The following CIDEA variants were observed in gnomAD, a reference collection of about 807,000 sequenced individuals.
CIDEA encodes the protein cell death inducing DFFA like effector a.
Under a neutral mutation model 18.2 loss-of-function variants are expected in CIDEA, and 10 were observed. The observed-to-expected ratio is 0.55, with a 90% CI of 0.34 to 0.93. The LOEUF (loss-of-function observed/expected upper bound fraction) is 0.93, where lower values mean the gene tolerates loss of function less well. Among genes scored for constraint, CIDEA ranks in the 40% least tolerant of loss-of-function variants. The probability of loss-of-function intolerance (pLI) is 0.02; values close to 1 mark genes in which losing one functional copy is unlikely to be tolerated. For synonymous variants in CIDEA, 128 were observed against 124.8 expected (o/e 1.03, Z -0.17); for missense variants, 309 against 293.1 (o/e 1.05, Z -0.40).
At chr18:12,270,520 C>G (rs992501181) in intron 3 of CIDEA, among the ~76,000 whole-genome samples, 102 of 152,054 alleles carry the variant, frequency 6.7e-4, no homozygotes, top group Non-Finnish European at 1.1e-3. Flanking sequence ...GAAACCCCGT[C>G]TTTACTAAAA....
chr18:12,261,969 A>C (rs1382439851), intron 1 of CIDEA, among the ~76,000 whole-genome samples: 2 of 150,918 alleles, frequency 1.3e-5, no homozygotes, highest in East Asian at 4.1e-4. Flanking sequence ...GGAGTTCAAG[A>C]CCAGCCTGGG....
chr18:12,258,884 TGATGAGGTG>T (rs1568100692), intron 1 of CIDEA, among the ~76,000 whole-genome samples: 1 of 152,226 alleles, frequency 6.6e-6, no homozygotes, highest in Non-Finnish European at 1.5e-5. Flanking sequence ...TCAGCTGCCA[TGATGAGGTG>T]GAGGCGACGC....
chr18:12,262,999 T>G, intron 2 of CIDEA, 30 bp downstream of exon 2: 1 of 1,610,406 alleles, frequency 6.2e-7, no homozygotes, highest in Non-Finnish European at 8.5e-7. Flanking sequence ...TCTCCCCCAG[T>G]CCACAGGGGT....
At chr18:12,265,040 C>T (rs1398850622) in intron 3 of CIDEA, among the ~76,000 whole-genome samples, 1 of 152,106 alleles carries the variant, frequency 6.6e-6, no homozygotes, top group East Asian at 1.9e-4. Context: ...TGTAAATGCA[C>T]GGAATTGACT....
chr18:12,256,021 T>C (rs1291689523), intron 1 of CIDEA, among the ~76,000 whole-genome samples: 2 of 152,192 alleles, frequency 1.3e-5, no homozygotes, highest in Non-Finnish European at 2.9e-5. Context: ...ACTACTGTCA[T>C]TCTGTGAAAT....
chr18:12,254,830 G>T lies in CIDEA; in HGVS notation c.38+409G>T, dbSNP rs1319287548. On this transcript the variant is annotated intron_variant, in intron 1 of 4. Transcript: ENST00000320477. The stretch of plus-strand genomic sequence containing the variant: ...AAAGCTTCCGCGATGCGAGGGGACC[G>T]GGCTTCTGGGGGTCCTGGAAATCAC... 29 of 1,336,744 alleles carry T rather than the reference G, an allele frequency of 2.2e-5. No individual in the cohort carries two copies. In the South Asian group the frequency reaches 3.5e-4, roughly 16 times the overall value. 82.8% of individuals were successfully genotyped at this position (1,336,744 alleles called of 1,614,324 possible).
intron 3 of CIDEA, among the ~76,000 whole-genome samples, chr18:12,272,059 T>C (rs976397890): frequency 5.4e-5 from 8 of 148,618 alleles, no homozygotes; most frequent in Non-Finnish European, 7.4e-5. Flanking sequence ...ATCTGAGCTT[T>C]CCAAACACGT....
intron 4 of CIDEA, among the ~76,000 whole-genome samples, chr18:12,275,747 G>C (rs1303110989): frequency 6.6e-6 from 1 of 152,156 alleles, no homozygotes; most frequent in African/African-American, 2.4e-5. Context: ...TGTGGCCTCA[G>C]TTTCCCATTC....
Position 12,277,223 on chromosome 18 carries a change from C to A in CIDEA, c.613C>A (p.Arg205=), listed in dbSNP as rs146350505. ...CCGGGTGCTGGATGACAAGGAAGAG[C>A]GGCCATCCCTCCGGTCACAAGCCAA... ...MLRVLDDKEE[R]PSLRSQAKGR... Residue 205 remains arginine, a synonymous_variant, in exon 5 of 5, where the codon CGG becomes AGG. Coordinates refer to ENST00000320477, the MANE Select transcript of CIDEA (RefSeq NM_001279.4). The A allele has an allele frequency of 6.2e-7, 1 of 1,614,066 alleles. No homozygotes were observed. Among genetic ancestry groups the A allele is most frequent in the East Asian group, 2.2e-5 (1 of 44,898 alleles).
chr18:12,260,071 C>T (rs578237502), intron 1 of CIDEA, among the ~76,000 whole-genome samples: 100 of 152,262 alleles, frequency 6.6e-4, no homozygotes, highest in Non-Finnish European at 1.3e-3. Context: ...CAAACACTCA[C>T]GATTATGGAA....
intron 3 of CIDEA, among the ~76,000 whole-genome samples, chr18:12,273,518 C>A (rs947461712): frequency 1.3e-5 from 2 of 152,160 alleles, no homozygotes; most frequent in East Asian, 3.9e-4. Context: ...CTCCTCCCAC[C>A]CAGGGGTTCT....
At position 12,270,688 on chromosome 18, in the gene CIDEA, C is replaced by CAAAAAAAAAAAAAAAAAAA. The variant is rs68102741; in HGVS notation, c.331-3395_331-3377dup. Among the ~76,000 whole-genome samples, 31 of 72,804 alleles carry CAAAAAAAAAAAAAAAAAAA rather than the reference C, an allele frequency of 4.3e-4. 1 individual carries two copies. Among genetic ancestry groups the CAAAAAAAAAAAAAAAAAAA allele is most frequent in the African/African-American group, 2.4e-3 (29 of 11,928 alleles). 47.8% of individuals were successfully genotyped at this position (72,804 alleles called of 152,430 possible). On this transcript the variant is annotated intron_variant, in intron 3 of 4. Coordinates refer to ENST00000320477, the MANE Select transcript of CIDEA (RefSeq NM_001279.4). ...GGCGACAGAGCAAGACTCCGTCTCA[C>CAAAAAAAAAAAAAAAAAAA]AAAAAAAAAAAAAAAAAAAAAAAAA...
chr18:12,265,192 G>C (rs1912315852), intron 3 of CIDEA, among the ~76,000 whole-genome samples: 1 of 152,218 alleles, frequency 6.6e-6, no homozygotes, highest in Non-Finnish European at 1.5e-5. Context: ...CGGTCTCTGG[G>C]AAAACTATAG....
chr18:12,271,386 C>G (rs1189728286), intron 3 of CIDEA, among the ~76,000 whole-genome samples: 1 of 152,148 alleles, frequency 6.6e-6, no homozygotes, highest in Admixed American at 6.5e-5. Flanking sequence ...GTGGGGTACC[C>G]ACCAAGGCAG....
At chr18:12,276,354 A>G (rs578180157) in intron 4 of CIDEA, among the ~76,000 whole-genome samples, 6 of 152,046 alleles carry the variant, frequency 3.9e-5, no homozygotes, top group African/African-American at 1.4e-4. Context: ...GTGCAGTAGC[A>G]CAATCATAGT....
intron 3 of CIDEA, among the ~76,000 whole-genome samples, chr18:12,271,043 C>T (rs1052293765): frequency 3.3e-5 from 5 of 151,648 alleles, no homozygotes; most frequent in African/African-American, 7.3e-5. Flanking sequence ...GGATTACAGG[C>T]GCCCACCACC....
intron 3 of CIDEA, among the ~76,000 whole-genome samples, chr18:12,272,362 A>G (rs1157367811): frequency 1.3e-5 from 2 of 151,972 alleles, no homozygotes; most frequent in East Asian, 1.9e-4. Flanking sequence ...ACAGGCGTGC[A>G]CCACCATGCC....
chr18:12,264,744 G>A (rs993531809), intron 3 of CIDEA, among the ~76,000 whole-genome samples: 5 of 152,110 alleles, frequency 3.3e-5, no homozygotes, highest in Admixed American at 1.3e-4. Context: ...TAGTAGAGAC[G>A]GGGTTTCACC....
chr18:12,264,513 T>C (rs6505738), intron 3 of CIDEA, 60 bp downstream of exon 3: 1,424,417 of 1,431,882 alleles, frequency 0.99, 708,733 homozygotes, highest in East Asian at 1. Context: ...TACAAATTTG[T>C]GTGCCCTACT....
Sources: gnomAD v4.1 joint callset for allele counts (sites outside exome capture counted in the v4.1 genomes callset) on GRCh38, gnomAD v4.1.1 for gene constraint, MANE v1.5 for transcripts, NCBI Gene and HGNC (gene_info 2026-07-23, HGNC 2026-07-21) for gene names.